The following CTH variants were observed in gnomAD, a reference collection of about 807,000 sequenced individuals.
CTH encodes cystathionine gamma-lyase.
CTH carries 41 observed loss-of-function variants against 50.6 expected under a neutral mutation model. The observed-to-expected ratio is 0.81, with a 90% CI of 0.63 to 1.05. CTH has a LOEUF of 1.05. Among genes scored for constraint, CTH ranks in the 50% least tolerant of loss-of-function variants. CTH has a pLI of 0.00. For synonymous variants in CTH, 156 were observed against 168.9 expected (o/e 0.92, Z 0.59); for missense variants, 470 against 492.6 (o/e 0.95, Z 0.43).
chr1:70,420,395 T>C (rs990780358), intron 3 of CTH, among the ~76,000 whole-genome samples: 1 of 152,112 alleles, frequency 6.6e-6, no homozygotes, highest in South Asian at 2.1e-4. Context: ...TAGATTCTCA[T>C]AAGGAGCATG....
intron 4 of CTH, among the ~76,000 whole-genome samples, chr1:70,423,101 T>C (rs1366909581): frequency 3.3e-5 from 5 of 152,148 alleles, no homozygotes; most frequent in African/African-American, 1.2e-4. Flanking sequence ...ATTTTTATTT[T>C]TTTTATTATC....
chr1:70,420,723 A>C (rs962660785), intron 3 of CTH, among the ~76,000 whole-genome samples: 1 of 152,138 alleles, frequency 6.6e-6, no homozygotes, highest in African/African-American at 2.4e-5. Context: ...TTAGTTTCTT[A>C]TATTAGCTTG....
At chr1:70,422,112 A>G (rs1389044861) in intron 4 of CTH, among the ~76,000 whole-genome samples, 1 of 152,236 alleles carries the variant, frequency 6.6e-6, no homozygotes, top group African/African-American at 2.4e-5. Context: ...CCAAAAGAGT[A>G]TTGGTAACAG....
rs757042068 is a variant in CTH at position 70,424,430 on chromosome 1, AT to A, written c.588+22del. 1.2e-5 allele frequency: 19 copies of A among 1,612,310 alleles called. No homozygotes were observed. Among genetic ancestry groups the A allele is most frequent in the Admixed American group, 5.0e-5 (3 of 59,930 alleles). On this transcript the variant is annotated intron_variant, in intron 5 of 11. Transcript: ENST00000370938. ...CCATATTTCCAGGTAAATGAAAATAATTTTTTTTGGCACAATTAGTAGACCA... is the reference window on the plus strand; with the variant it reads ...CCATATTTCCAGGTAAATGAAAATAATTTTTTTGGCACAATTAGTAGACCA...
intron 7 of CTH, chr1:70,431,081 G>C (rs1684463477): frequency 6.6e-6 from 1 of 152,060 alleles, no homozygotes; most frequent in South Asian, 2.1e-4. Context: ...CAGAGGCTGA[G>C]GCAGGAGGAT....
chr1:70,411,478 G>A lies in CTH; in HGVS notation c.63G>A (p.Gln21=), dbSNP rs776335425. The part of the protein sequence containing the change: ...FLPHFQHFAT[Q]AIHVGQDPEQ... ...CACACTTCCAACATTTCGCCACGCAGGCGATCCATGTGGGCCAGGATCCAG... is the reference window on the plus strand; with the variant it reads ...CACACTTCCAACATTTCGCCACGCAAGCGATCCATGTGGGCCAGGATCCAG... Residue 21 remains glutamine (Q), a synonymous_variant, in exon 1 of 12, where the codon CAG becomes CAA. Transcript: ENST00000370938. 6.2e-7 allele frequency: 1 copy of A among 1,614,188 alleles called. No homozygotes were observed.
At chr1:70,418,684 T>C (rs970336456) in intron 3 of CTH, among the ~76,000 whole-genome samples, 1 of 152,232 alleles carries the variant, frequency 6.6e-6, no homozygotes, top group African/African-American at 2.4e-5. Context: ...AATTTTTACC[T>C]GTAATAAAGA....
intron 1 of CTH, among the ~76,000 whole-genome samples, chr1:70,413,079 C>A (rs535246789): frequency 6.6e-6 from 1 of 151,882 alleles, no homozygotes; most frequent in South Asian, 2.1e-4. Flanking sequence ...GTCTGTAAGT[C>A]CAAAGCCTTG....
At position 70,424,360 on chromosome 1, in the gene CTH, A is replaced by C. The variant is rs1212186598; in HGVS notation, c.532A>C (p.Lys178Gln). 1 of 1,614,164 alleles carries C rather than the reference A, an allele frequency of 6.2e-7. No homozygotes were observed. The highest frequency in any genetic ancestry group is 1.7e-5 in the Admixed American group (1 of 60,026). ...DIEGCAHIVH[K>Q]HGDIILVVDN... ...TGAAGGCTGTGCACATATTGTCCAT[A>C]AGCATGGAGACATTATTTTGGTCGT... is the stretch of plus-strand genomic sequence containing the variant. The change falls in exon 5 of 12, where the codon AAG becomes CAG. Residue 178 changes from lysine (K) to glutamine (Q), a missense_variant. Transcript: ENST00000370938.
chr1:70,434,006 T>G, intron 9 of CTH, 57 bp downstream of exon 9: 1 of 1,607,504 alleles, frequency 6.2e-7, no homozygotes, highest in Non-Finnish European at 8.5e-7. Context: ...AGCAGTTCAC[T>G]ATCTCTCACT....
chr1:70,433,749 A>G, intron 8 of CTH, 79 bp from the exon 9 acceptor site: 1 of 1,592,788 alleles, frequency 6.3e-7, no homozygotes, highest in African/African-American at 1.3e-5. Flanking sequence ...TTAAGTAGAC[A>G]GTGAAAAATA....
rs768499542 is a variant in CTH at position 70,439,387 on chromosome 1, T to C, written c.*260T>C. The C allele has an allele frequency of 5.4e-5, 26 of 482,176 alleles. No individual in the cohort carries two copies. Among genetic ancestry groups the C allele is most frequent in the Middle Eastern group, 1.1e-3 (2 of 1,812 alleles). 29.9% of individuals were successfully genotyped at this position (482,176 alleles called of 1,614,324 possible). A position where few individuals can be genotyped will look rare whatever the true frequency, so the allele number is the denominator to read the frequency against. ...TTGCCTCTGAAGGAGGTGAGATTTG[T>C]GCTACTTTGGGAGATTATGTTCTTT... On this transcript the variant is annotated 3_prime_UTR_variant, in exon 12 of 12. Transcript: ENST00000370938.
At position 70,438,784 on chromosome 1, in the gene CTH, G is replaced by A; in HGVS notation, c.1149G>A (p.Glu383=). 1 of 1,613,904 alleles carries A rather than the reference G, an allele frequency of 6.2e-7. No individual in the cohort carries two copies. Among genetic ancestry groups the A allele is most frequent in the Middle Eastern group, 1.6e-4 (1 of 6,062 alleles). Residue 383 remains glutamate, a synonymous_variant, in exon 11 of 12, where the codon GAG becomes GAA. Coordinates refer to ENST00000370938, the MANE Select transcript of CTH (RefSeq NM_001902.6). The stretch of plus-strand genomic sequence containing the variant: ...GACTTTCTGTGGGCTTAGAGGATGA[G>A]GAAGACCTACTGGAAGATCTAGATC... ...LIRLSVGLED[E]EDLLEDLDQA...
chr1:70,430,513 TAGA>T, intron 7 of CTH, 119 bp downstream of exon 7: 2 of 625,740 alleles, frequency 3.2e-6, no homozygotes, highest in Non-Finnish European at 5.7e-6. Context: ...AAATGAAAAA[TAGA>T]GGAGAAAAAT....
chr1:70,414,160 C>T (rs1684036427), intron 1 of CTH, among the ~76,000 whole-genome samples: 1 of 151,366 alleles, frequency 6.6e-6, no homozygotes, highest in South Asian at 2.1e-4. Context: ...GGTACAGCTG[C>T]AGGTCATGGT....
chr1:70,421,318 T>G (rs1684214867), intron 3 of CTH, among the ~76,000 whole-genome samples: 1 of 152,216 alleles, frequency 6.6e-6, no homozygotes, highest in African/African-American at 2.4e-5. Flanking sequence ...TGAAAAACAT[T>G]ATTTGCTTCA....
intron 11 of CTH, 39 bp from the exon 12 acceptor site, chr1:70,439,062 T>C (rs199832524): frequency 6.3e-7 from 1 of 1,594,380 alleles, no homozygotes; most frequent in Non-Finnish European, 8.6e-7. Context: ...ATGGCCTATA[T>C]GTTTAATAAC....
At position 70,424,297 on chromosome 1, in the gene CTH, G is replaced by A. The variant is rs866702899; in HGVS notation, c.469G>A (p.Glu157Lys). 13 of 1,613,804 alleles carry A rather than the reference G, an allele frequency of 8.1e-6. No individual in the cohort carries two copies. The highest frequency in any genetic ancestry group is 5.3e-5 in the African/African-American group (4 of 74,878). The change falls in exon 5 of 12, where the codon GAA (glutamate) becomes AAA (lysine). Residue 157 changes from glutamate (E) to lysine (K), a missense_variant. Transcript: ENST00000370938. ...ITPETKLVWI[E>K]TPTNPTQKVI... The stretch of plus-strand genomic sequence containing the variant: ...TGAATTATTTTAGCTTGTTTGGATC[G>A]AAACCCCCACAAACCCCACCCAGAA...
intron 4 of CTH, 83 bp downstream of exon 4, chr1:70,421,758 T>A: frequency 7.4e-7 from 1 of 1,349,736 alleles, no homozygotes; most frequent in Non-Finnish European, 1.1e-6. Context: ...GGATATAATT[T>A]AATGTGAATA....
Sources: allele counts gnomAD v4.1 joint callset (sites outside exome capture counted in the v4.1 genomes callset), GRCh38; gene constraint gnomAD v4.1.1; transcripts MANE v1.5; gene names NCBI Gene and HGNC (gene_info 2026-07-23, HGNC 2026-07-21).